The following N4BP2L2 variants were observed in gnomAD, a reference collection of about 807,000 sequenced individuals.
N4BP2L2 encodes NEDD4-binding protein 2-like 2.
Under a neutral mutation model 56.2 loss-of-function variants are expected in N4BP2L2, and 50 were observed. That is an observed-to-expected ratio of 0.89 (90% CI 0.71 to 1.13). N4BP2L2 has a LOEUF of 1.13. N4BP2L2 is among the 50% of genes most tolerant of loss of function. The pLI, the probability that N4BP2L2 is intolerant of heterozygous loss-of-function variation, is 0.00. For synonymous variants in N4BP2L2, 203 were observed against 223.6 expected (o/e 0.91, Z 0.82); for missense variants, 689 against 693.8 (o/e 0.99, Z 0.08).
exon 7 of N4BP2L2, chr13:32,443,046 T>C: frequency 6.2e-7 from 1 of 1,607,544 alleles, no homozygotes; most frequent in South Asian, 1.1e-5. Flanking sequence ...AGTCAAAATT[T>C]GGTACCAAAT....
intron 6 of N4BP2L2, among the ~76,000 whole-genome samples, chr13:32,467,132 T>A (rs2081370045): frequency 6.6e-6 from 1 of 152,222 alleles, no homozygotes; most frequent in Non-Finnish European, 1.5e-5. Context: ...AACAATTTCA[T>A]ATGATTTAAC....
intron 7 of N4BP2L2, among the ~76,000 whole-genome samples, chr13:32,441,764 C>T (rs2076392455): frequency 6.8e-6 from 1 of 146,530 alleles, no homozygotes; most frequent in African/African-American, 2.5e-5. Context: ...AAAGGTTTGG[C>T]CGGGCGCGGT....
At chr13:32,444,216 TAA>T in intron 6 of N4BP2L2, 1 of 995,440 alleles carries the variant, frequency 1.0e-6, no homozygotes, top group Non-Finnish European at 1.4e-6. Flanking sequence ...TGTGCAGGTT[TAA>T]AAACCTTTAG....
At position 32,447,814 on chromosome 13, in the gene N4BP2L2, T is replaced by C. The variant is rs915621431; in HGVS notation, c.366-3688A>G. On this transcript the variant is annotated intron_variant, in intron 6 of 9. Coordinates refer to the N4BP2L2 transcript ENST00000357505. ...ATGTCTTTTTTTCGTTGTTTTTTTTTCTCCTAAGTCTGCTTTCTAGGGAAG... is the reference window on the plus strand; with the variant it reads ...ATGTCTTTTTTTCGTTGTTTTTTTTCCTCCTAAGTCTGCTTTCTAGGGAAG... Among the ~76,000 whole-genome samples, 9 of 151,874 alleles carry C rather than the reference T, an allele frequency of 5.9e-5. No individual in the cohort carries two copies. The East Asian group carries it at 1.5e-3, about 26-fold the overall frequency.
exon 2 of N4BP2L2, chr13:32,535,864 C>T: frequency 6.2e-7 from 1 of 1,614,126 alleles, no homozygotes; most frequent in East Asian, 2.2e-5. Flanking sequence ...ACTGCTGGTT[C>T]ACAAACCTGT....
chr13:32,489,952 T>C (rs1444849961), intron 6 of N4BP2L2: 2 of 152,200 alleles, frequency 1.3e-5, no homozygotes, highest in African/African-American at 2.4e-5. Context: ...ATAATTCTCT[T>C]AATAATTGTT....
exon 6 of N4BP2L2, chr13:32,515,564 C>A (rs887990693): frequency 6.6e-6 from 1 of 151,874 alleles, no homozygotes; most frequent in Non-Finnish European, 1.5e-5. Context: ...TTGGTAATGA[C>A]GAATGATCTC....
upstream of N4BP2L2, chr13:32,538,863 A>C (rs970872435): frequency 2.0e-6 from 2 of 985,506 alleles, no homozygotes; most frequent in Non-Finnish European, 2.4e-6. Flanking sequence ...TTGAAGTCCG[A>C]CGTTCACACC....
At chr13:32,449,486 C>G (rs773246789) in intron 6 of N4BP2L2, among the ~76,000 whole-genome samples, 4 of 152,032 alleles carry the variant, frequency 2.6e-5, no homozygotes, top group Non-Finnish European at 5.9e-5. Flanking sequence ...CTGCACTGAA[C>G]AAAATTATAC....
chr13:32,537,081 A>C, intron 1 of N4BP2L2, 54 bp from the exon 2 acceptor site: 5 of 1,217,296 alleles, frequency 4.1e-6, no homozygotes. Context: ...AAATCTAAAT[A>C]AAATTTTCTT....
At chr13:32,535,617 T>C (rs1349043358) in intron 2 of N4BP2L2, 152 bp downstream of exon 2, 1 of 696,140 alleles carries the variant, frequency 1.4e-6, no homozygotes, top group Non-Finnish European at 2.4e-6. Context: ...TTGCCCAGGC[T>C]GGTCTCAAAC....
chr13:32,467,830 A>G (rs1314402414), intron 6 of N4BP2L2, among the ~76,000 whole-genome samples: 6 of 151,586 alleles, frequency 4.0e-5, no homozygotes, highest in Admixed American at 2.6e-4. Flanking sequence ...TCTCTAATAA[A>G]AATACAAAAA....
intron 6 of N4BP2L2, among the ~76,000 whole-genome samples, chr13:32,490,828 T>G (rs2086902251): frequency 6.6e-6 from 1 of 152,046 alleles, no homozygotes; most frequent in Non-Finnish European, 1.5e-5. Context: ...GAGGCAGAGC[T>G]CAGGTAGTAA....
intron 2 of N4BP2L2, among the ~76,000 whole-genome samples, chr13:32,534,071 C>A (rs2055829213): frequency 6.6e-6 from 1 of 152,096 alleles, no homozygotes; most frequent in African/African-American, 2.4e-5. Flanking sequence ...AATCACTTAA[C>A]CTCAACTTCC....
intron 6 of N4BP2L2, among the ~76,000 whole-genome samples, chr13:32,462,213 T>C (rs982851521): frequency 1.3e-5 from 2 of 152,056 alleles, no homozygotes; most frequent in Non-Finnish European, 2.9e-5. Context: ...AATGGATGGG[T>C]GGATACAGAA....
At chr13:32,536,135 G>A (rs759018805) in exon 2 of N4BP2L2, 2 of 1,614,054 alleles carry the variant, frequency 1.2e-6, no homozygotes, top group East Asian at 4.5e-5. Flanking sequence ...TGGTGGATTT[G>A]GTGGACCACT....
At chr13:32,502,061 ATTTTTT>A (rs368621196) in intron 6 of N4BP2L2, among the ~76,000 whole-genome samples, 1 of 125,418 alleles carries the variant, frequency 8.0e-6, no homozygotes, top group Non-Finnish European at 1.7e-5. Context: ...CTACTACAGC[ATTTTTT>A]TTTTTTTTTT....
downstream of N4BP2L2, chr13:32,508,324 G>C (rs1335117366): frequency 6.6e-6 from 1 of 152,100 alleles, no homozygotes; most frequent in Admixed American, 6.6e-5. Context: ...CTTTTAAATC[G>C]GAAGACTTGA....
chr13:32,486,099 G>C (rs1439403593), intron 6 of N4BP2L2, among the ~76,000 whole-genome samples: 1 of 151,716 alleles, frequency 6.6e-6, no homozygotes, highest in Non-Finnish European at 1.5e-5. Context: ...AATAAACTAG[G>C]AACAGAAATG....
Sources: gnomAD v4.1 joint callset for allele counts (sites outside exome capture counted in the v4.1 genomes callset) on GRCh38, gnomAD v4.1.1 for gene constraint, MANE v1.5 for transcripts, NCBI Gene and HGNC (gene_info 2026-07-23, HGNC 2026-07-21) for gene names.